The following ZNF469 variants were observed in gnomAD, a reference collection of about 807,000 sequenced individuals.
ZNF469 encodes zinc finger protein 469.
ZNF469 carries 1 observed loss-of-function variant against 1.0 expected under a neutral mutation model. The observed-to-expected ratio is 1.00, with a 90% confidence interval of 0.35 to 4.73. The LOEUF is 4.73. Among genes scored for constraint, ZNF469 ranks in the 30% most tolerant of loss-of-function variants. ZNF469 has a pLI of 0.16. For synonymous variants in ZNF469, 2,703 were observed against 2,363.4 expected (o/e 1.14, Z -4.17); for missense variants, 6,100 against 5,356.3 (o/e 1.14, Z -4.33).
chr16:88,381,112 G>A (rs368595288), upstream of ZNF469, among the ~76,000 whole-genome samples: 503 of 48,144 alleles, frequency 0.01, 7 homozygotes, highest in African/African-American at 0.036. Flanking sequence ...ACATGCACTC[G>A]CACACACGCA....
chr16:88,338,281 G>A, the ZNF469 span, among the ~76,000 whole-genome samples: 3 of 152,142 alleles, frequency 2.0e-5, no homozygotes, highest in African/African-American at 4.8e-5. Context: ...AGTACCCAGC[G>A]GTGGTCCTGA....
the ZNF469 span, among the ~76,000 whole-genome samples, chr16:88,120,754 G>A: frequency 6.6e-6 from 1 of 152,234 alleles, no homozygotes; most frequent in Admixed American, 6.5e-5. Flanking sequence ...ACACTGGCTG[G>A]AAAATGGAAC....
chr16:88,156,112 T>G, the ZNF469 span, among the ~76,000 whole-genome samples: 1 of 152,250 alleles, frequency 6.6e-6, no homozygotes, highest in Non-Finnish European at 1.5e-5. Context: ...TTTTTATTAT[T>G]GAGTTGTAGA....
chr16:88,105,092 G>A, the ZNF469 span, among the ~76,000 whole-genome samples: 5 of 152,206 alleles, frequency 3.3e-5, no homozygotes, highest in East Asian at 3.9e-4. Context: ...GTGGTGGTGC[G>A]TGTGTATAGT....
the ZNF469 span, chr16:88,192,372 C>A: frequency 1.3e-5 from 2 of 152,144 alleles, no homozygotes; most frequent in East Asian, 3.8e-4. Flanking sequence ...GAAAACACCC[C>A]CTTGGTAACT....
At chr16:88,353,036 C>G in the ZNF469 span, among the ~76,000 whole-genome samples, 3 of 152,176 alleles carry the variant, frequency 2.0e-5, no homozygotes, top group African/African-American at 7.2e-5. Context: ...GGTGAGACTG[C>G]AGGGTCTGGG....
the ZNF469 span, among the ~76,000 whole-genome samples, chr16:88,200,322 T>C: frequency 6.6e-6 from 1 of 152,206 alleles, no homozygotes; most frequent in East Asian, 1.9e-4. Context: ...CTTTTGTGTC[T>C]GGGCACTGCC....
rs192005454 is a variant in ZNF469, at chr16:88,410,160, G to A, written c.-191-14647G>A. ...CCCAACTGTTCACGGAGAAGTTCAC[G>A]GTGCAGGTCACACAGTTCACGGTGA... On this transcript the variant is annotated intron_variant, in intron 1 of 2. Coordinates refer to ENST00000565624, the MANE Select transcript of ZNF469 (RefSeq NM_001367624.2). Among the ~76,000 whole-genome samples the A allele has an allele frequency of 7.2e-3, 1,076 of 150,396 alleles. 8 individuals carry two copies. The highest frequency in any genetic ancestry group is 0.043 in the East Asian group (223 of 5,180).
At chr16:88,189,356 C>T in the ZNF469 span, among the ~76,000 whole-genome samples, 6 of 152,034 alleles carry the variant, frequency 3.9e-5, no homozygotes, top group Admixed American at 1.3e-4. This position sits in a 1 kb window ranked among gnomAD's most constrained non-coding sequence, Gnocchi z 4.3. Context: ...TCTTCCCAAC[C>T]GGGGTCTCTG....
chr16:88,210,139 G>C, the ZNF469 span, among the ~76,000 whole-genome samples: 1 of 152,122 alleles, frequency 6.6e-6, no homozygotes, highest in African/African-American at 2.4e-5. Context: ...TTTCTGTTTT[G>C]AGTGATATTG....
chr16:88,141,897 G>C, the ZNF469 span, among the ~76,000 whole-genome samples: 23 of 152,360 alleles, frequency 1.5e-4, no homozygotes, highest in South Asian at 4.8e-3. Context: ...CTTGATTTCA[G>C]CTCCGTGAGA....
chr16:88,380,017 A>G (rs1567495068), upstream of ZNF469, among the ~76,000 whole-genome samples: 4 of 152,094 alleles, frequency 2.6e-5, no homozygotes, highest in Admixed American at 2.0e-4. Flanking sequence ...GGGCTAGGAA[A>G]AGAACTTGTG....
At chr16:88,358,696 T>C in the ZNF469 span, among the ~76,000 whole-genome samples, 1 of 152,154 alleles carries the variant, frequency 6.6e-6, no homozygotes, top group Non-Finnish European at 1.5e-5. Flanking sequence ...ACTTTTGTTT[T>C]AATTAATTTA....
the ZNF469 span, among the ~76,000 whole-genome samples, chr16:88,275,916 G>T: frequency 6.6e-6 from 1 of 152,202 alleles, no homozygotes; most frequent in Non-Finnish European, 1.5e-5. Flanking sequence ...AGTCCTGTAA[G>T]ATGGAGACCA....
At chr16:88,187,013 C>A in the ZNF469 span, among the ~76,000 whole-genome samples, 3 of 152,182 alleles carry the variant, frequency 2.0e-5, no homozygotes, top group South Asian at 2.1e-4. Flanking sequence ...GGAGAAAGTT[C>A]TAGCAGCCCT....
chr16:88,158,378 G>A, the ZNF469 span, among the ~76,000 whole-genome samples: 1 of 151,984 alleles, frequency 6.6e-6, no homozygotes, highest in Non-Finnish European at 1.5e-5. Flanking sequence ...CTGGGTTGCA[G>A]CCCCACCCAC....
the ZNF469 span, among the ~76,000 whole-genome samples, chr16:88,121,154 G>A: frequency 1.4e-5 from 1 of 69,860 alleles, no homozygotes; most frequent in South Asian, 8.2e-4. Context: ...CACCCGCTAT[G>A]TACCATGCAT....
chr16:88,365,084 C>G, the ZNF469 span, among the ~76,000 whole-genome samples: 1 of 152,176 alleles, frequency 6.6e-6, no homozygotes, highest in African/African-American at 2.4e-5. Flanking sequence ...ATTTGATTTT[C>G]CGATTGCATG....
the ZNF469 span, among the ~76,000 whole-genome samples, chr16:88,230,895 G>A: frequency 2.8e-4 from 42 of 149,298 alleles, no homozygotes; most frequent in African/African-American, 6.2e-4. Context: ...CTCTCACAGC[G>A]GGAGCTGTCA....
Sources: allele counts gnomAD v4.1 joint callset (sites outside exome capture counted in the v4.1 genomes callset), GRCh38; gene constraint gnomAD v4.1.1; non-coding constraint Gnocchi (gnomAD v3.1); transcripts MANE v1.5; gene names NCBI Gene and HGNC (gene_info 2026-07-23, HGNC 2026-07-21).